SPMAP2L: variants seen among roughly 807,000 people sequenced by gnomAD.
The protein encoded by SPMAP2L is sperm microtubule associated protein 2-like.
the SPMAP2L span, among the ~76,000 whole-genome samples, chr4:56,534,285 T>G: frequency 6.6e-6 from 1 of 152,202 alleles, no homozygotes; most frequent in Non-Finnish European, 1.5e-5. Context: ...CATCTTCATC[T>G]TACTCATTTG....
At chr4:56,593,584 G>A in the SPMAP2L span, 19 of 1,603,216 alleles carry the variant, frequency 1.2e-5, no homozygotes, top group South Asian at 1.9e-4. Flanking sequence ...GAGAATTTGG[G>A]GTAGACATCG....
the SPMAP2L span, chr4:56,552,465 T>TC: frequency 5.1e-5 from 34 of 662,350 alleles, no homozygotes; most frequent in African/African-American, 9.7e-5. Flanking sequence ...TTCTTTTTTT[T>TC]CCCCCCTCCT....
chr4:56,550,784 C>T, the SPMAP2L span, among the ~76,000 whole-genome samples: 3 of 152,228 alleles, frequency 2.0e-5, no homozygotes, highest in African/African-American at 7.2e-5. Context: ...ATCCCTGTAT[C>T]CTTTAAAAAG....
At chr4:56,609,613 C>T in the SPMAP2L span, among the ~76,000 whole-genome samples, 3 of 152,086 alleles carry the variant, frequency 2.0e-5, no homozygotes, top group East Asian at 1.9e-4. Flanking sequence ...TTCCAAAATT[C>T]GTGTTGAAAC....
chr4:56,546,644 A>G, the SPMAP2L span, among the ~76,000 whole-genome samples: 1 of 152,230 alleles, frequency 6.6e-6, no homozygotes, highest in South Asian at 2.1e-4. Context: ...TAAAGAGTGA[A>G]AACTTTACCT....
At chr4:56,557,278 A>T in the SPMAP2L span, among the ~76,000 whole-genome samples, 1 of 150,526 alleles carries the variant, frequency 6.6e-6, no homozygotes, top group Admixed American at 6.7e-5. Context: ...AAAAGAAAAG[A>T]AAAGAAAAGA....
the SPMAP2L span, among the ~76,000 whole-genome samples, chr4:56,578,687 G>T: frequency 6.6e-6 from 1 of 151,982 alleles, no homozygotes; most frequent in African/African-American, 2.4e-5. Context: ...AAAAAGACCT[G>T]GATTGGCCAT....
At chr4:56,622,828 T>G in the SPMAP2L span, among the ~76,000 whole-genome samples, 1 of 152,310 alleles carries the variant, frequency 6.6e-6, no homozygotes, top group Non-Finnish European at 1.5e-5. Context: ...AAAGCATGAC[T>G]TTATTCTCCA....
chr4:56,547,830 T>TAAAACAAA, the SPMAP2L span, among the ~76,000 whole-genome samples: 1 of 152,074 alleles, frequency 6.6e-6, no homozygotes, highest in Non-Finnish European at 1.5e-5. Context: ...TTTTCCACAT[T>TAAAACAAA]AAAACAAAAA....
the SPMAP2L span, among the ~76,000 whole-genome samples, chr4:56,610,314 C>T: frequency 2.0e-5 from 3 of 152,130 alleles, no homozygotes; most frequent in Non-Finnish European, 2.9e-5. Context: ...CCAACTGATA[C>T]TTGGCAAAGC....
the SPMAP2L span, among the ~76,000 whole-genome samples, chr4:56,583,966 G>A: frequency 6.6e-6 from 1 of 151,176 alleles, no homozygotes; most frequent in African/African-American, 2.5e-5. Flanking sequence ...AATATAAAAT[G>A]TAAATTTTTT....
the SPMAP2L span, chr4:56,592,996 A>G: frequency 4.7e-5 from 76 of 1,602,724 alleles, no homozygotes; most frequent in South Asian, 5.2e-4. Flanking sequence ...CTGTTTGTGA[A>G]AATGAAATCC....
chr4:56,603,826 T>G, the SPMAP2L span, among the ~76,000 whole-genome samples: 1 of 152,198 alleles, frequency 6.6e-6, no homozygotes, highest in African/African-American at 2.4e-5. Flanking sequence ...TTGAAATACT[T>G]TTTATAGTCT....
At chr4:56,604,849 G>A in the SPMAP2L span, among the ~76,000 whole-genome samples, 1 of 152,150 alleles carries the variant, frequency 6.6e-6, no homozygotes, top group Admixed American at 6.5e-5. Context: ...AATGGCATTT[G>A]CAGCAACTTG....
the SPMAP2L span, among the ~76,000 whole-genome samples, chr4:56,624,303 T>C: frequency 6.6e-6 from 1 of 152,176 alleles, no homozygotes; most frequent in Non-Finnish European, 1.5e-5. Flanking sequence ...AAGCATTCTG[T>C]TTTAAAAGGG....
At chr4:56,609,050 C>CTTT in the SPMAP2L span, among the ~76,000 whole-genome samples, 14 of 115,568 alleles carry the variant, frequency 1.2e-4, no homozygotes, top group African/African-American at 1.6e-4. Flanking sequence ...TTCTTTCTTT[C>CTTT]TTTTTTTTTT....
At chr4:56,558,164 C>T in the SPMAP2L span, among the ~76,000 whole-genome samples, 3 of 152,226 alleles carry the variant, frequency 2.0e-5, no homozygotes, top group East Asian at 1.9e-4. Context: ...GACAGGGTTT[C>T]ACCATGTTGG....
chr4:56,537,184 T>C, the SPMAP2L span, among the ~76,000 whole-genome samples: 2 of 152,204 alleles, frequency 1.3e-5, no homozygotes, highest in East Asian at 3.8e-4. Flanking sequence ...TGACTGTTTC[T>C]CCTTCTCAGG....
At chr4:56,550,614 G>A in the SPMAP2L span, among the ~76,000 whole-genome samples, 1,744 of 152,274 alleles carry the variant, frequency 0.011, 19 homozygotes, top group Non-Finnish European at 0.018. Context: ...TCCTGTGACT[G>A]GATAGTTTGT....
Sources: gnomAD v4.1 joint callset for allele counts (sites outside exome capture counted in the v4.1 genomes callset) on GRCh38, gnomAD v4.1.1 for gene constraint, MANE v1.5 for transcripts, NCBI Gene and HGNC (gene_info 2026-07-23, HGNC 2026-07-21) for gene names.